The following ZC3H11A variants were observed in gnomAD, a reference collection of about 807,000 sequenced individuals.
The protein encoded by ZC3H11A is zinc finger CCCH-type containing 11A.
ZC3H11A carries 22 observed loss-of-function variants against 90.8 expected under a neutral mutation model. That is an observed-to-expected ratio of 0.24 (90% CI 0.17 to 0.35). The LOEUF (loss-of-function observed/expected upper bound fraction) is 0.35, where lower values mean the gene tolerates loss of function less well. ZC3H11A is among the 10% of genes least tolerant of loss of function. The pLI, the probability that ZC3H11A is intolerant of heterozygous loss-of-function variation, is 1.00. For missense variants in ZC3H11A, 701 were observed against 964.9 expected, an observed-to-expected ratio of 0.73 and a Z score of 3.62; for synonymous variants, 294 against 339.8, an observed-to-expected ratio of 0.87 and a Z score of 1.48.
At chr1:203,827,076 C>G (rs1351578948) in intron 4 of ZC3H11A, among the ~76,000 whole-genome samples, 2 of 152,160 alleles carry the variant, frequency 1.3e-5, no homozygotes, top group East Asian at 3.8e-4. Context: ...ACTCTTGTGT[C>G]TGGCTTCTTT....
intron 11 of ZC3H11A, among the ~76,000 whole-genome samples, chr1:203,839,374 CA>C (rs1458251714): frequency 6.6e-6 from 1 of 152,070 alleles, no homozygotes; most frequent in Non-Finnish European, 1.5e-5. Flanking sequence ...TGAAGGAGAG[CA>C]AAAAGCCAAG....
chr1:203,817,033 T>C lies in ZC3H11A; in HGVS notation c.-38T>C, dbSNP rs373200587. ...CTTGCTTTGAGGAAGCAGTGGCTTG[T>C]TTCAAGAAGCCACTTCTGATCTAAG... On this transcript the variant is annotated 5_prime_UTR_variant, in exon 3 of 18. Coordinates refer to ENST00000367210, the MANE Select transcript of ZC3H11A (RefSeq NM_001376342.1). 500 of 1,558,568 alleles carry C rather than the reference T, an allele frequency of 3.2e-4. No homozygotes were observed. The highest frequency in any genetic ancestry group is 4.2e-4 in the Non-Finnish European group (481 of 1,147,072).
chr1:203,852,577 T>C lies in ZC3H11A; in HGVS notation c.*178T>C. On this transcript the variant is annotated 3_prime_UTR_variant, in exon 18 of 18. Transcript: ENST00000367210. The stretch of plus-strand genomic sequence containing the variant: ...TTCCTTGGGGTCAGATTTTTAAAGT[T>C]ACTTTATAACCATTTTGTCCATTTG... The C allele has an allele frequency of 5.8e-6, 4 of 686,704 alleles. No individual in the cohort carries two copies. Among genetic ancestry groups the C allele is most frequent in the Non-Finnish European group, 7.2e-6 (3 of 419,488 alleles). The allele number at this position is 686,704 out of a possible 1,614,324, so 42.5% of individuals were successfully genotyped here.
intron 4 of ZC3H11A, among the ~76,000 whole-genome samples, chr1:203,819,732 C>T (rs192003739): frequency 4.1e-4 from 61 of 150,018 alleles, no homozygotes; most frequent in Admixed American, 3.5e-3. Flanking sequence ...TGGGGTTTTG[C>T]CATGCTGGTC....
intron 2 of ZC3H11A, among the ~76,000 whole-genome samples, chr1:203,805,244 C>T (rs1024468969): frequency 2.0e-5 from 3 of 150,462 alleles, no homozygotes; most frequent in African/African-American, 7.4e-5. Context: ...AGCAATTCTC[C>T]TGCTTCAGTC....
At chr1:203,799,041 A>C (rs1290892681) in intron 1 of ZC3H11A, 1 of 1,536,032 alleles carries the variant, frequency 6.5e-7, no homozygotes, top group Non-Finnish European at 8.7e-7. Context: ...TTCTTTGGAA[A>C]CTGCGTCTTT....
chr1:203,833,537 C>T (rs1190036385), intron 9 of ZC3H11A, among the ~76,000 whole-genome samples: 6 of 149,252 alleles, frequency 4.0e-5, no homozygotes, highest in Non-Finnish European at 8.9e-5. Flanking sequence ...TTATTATTAT[C>T]AAAATAATAA....
intron 1 of ZC3H11A, chr1:203,798,072 T>C (rs1478933764): frequency 6.5e-7 from 1 of 1,536,140 alleles, no homozygotes; most frequent in South Asian, 1.2e-5. Flanking sequence ...TTCACCTCAT[T>C]GGACCAGGGC....
rs1363459858 is a variant in ZC3H11A, at chr1:203,819,315, A to T, written c.174+626A>T. Among the ~76,000 whole-genome samples, 5 of 143,866 alleles carry T rather than the reference A, an allele frequency of 3.5e-5. No individual in the cohort carries two copies. The South Asian group carries it at 6.6e-4, about 19-fold the overall frequency. 94.4% of individuals were successfully genotyped at this position (143,866 alleles called of 152,430 possible). A position where few individuals can be genotyped will look rare whatever the true frequency, so the allele number is the denominator to read the frequency against. ...CTGCTTACTGCAACCTCCACCTCCC[A>T]GGTTCAAGCGATTCTCCTGCCTCAG... is the stretch of plus-strand genomic sequence containing the variant. On this transcript the variant is annotated intron_variant, in intron 4 of 17. Coordinates refer to ENST00000367210, the MANE Select transcript of ZC3H11A (RefSeq NM_001376342.1).
rs7311 is a variant in ZC3H11A at position 203,853,938 on chromosome 1, G to C, written c.*1539G>C. 102,146 of 152,568 alleles carry C rather than the reference G, an allele frequency of 0.67. 34,327 individuals are homozygous for C. Among genetic ancestry groups the C allele is most frequent in the East Asian group, 0.77 (3,975 of 5,188 alleles). 9.5% of individuals were successfully genotyped at this position (152,568 alleles called of 1,614,324 possible). On this transcript the variant is annotated 3_prime_UTR_variant, in exon 18 of 18. Coordinates refer to ENST00000367210, the MANE Select transcript of ZC3H11A (RefSeq NM_001376342.1). Reference sequence around the variant, plus strand: ...TCTACTTATTTCGTTTTTGGAATCAGCTTACAGATTCCAGGTCCCTTTTGT... The same window carrying C: ...TCTACTTATTTCGTTTTTGGAATCACCTTACAGATTCCAGGTCCCTTTTGT...
chr1:203,809,957 A>G (rs1673781596), intron 2 of ZC3H11A, among the ~76,000 whole-genome samples: 1 of 152,178 alleles, frequency 6.6e-6, no homozygotes, highest in Non-Finnish European at 1.5e-5. Context: ...TCTCTCAAAA[A>G]TAACAAAACT....
chr1:203,797,688 G>A (rs768023198), intron 1 of ZC3H11A: 2 of 1,535,544 alleles, frequency 1.3e-6, no homozygotes, highest in East Asian at 2.4e-5. Context: ...GAATAAAGAG[G>A]CAAAACAGCC....
chr1:203,836,567 G>C (rs1684414628), intron 10 of ZC3H11A, among the ~76,000 whole-genome samples: 1 of 152,160 alleles, frequency 6.6e-6, no homozygotes, highest in Non-Finnish European at 1.5e-5. Context: ...GATCAACATG[G>C]TGAAACTACT....
intron 4 of ZC3H11A, among the ~76,000 whole-genome samples, chr1:203,819,206 A>AT (rs953666625): frequency 1.4e-5 from 2 of 144,292 alleles, no homozygotes; most frequent in South Asian, 2.2e-4. Context: ...CCTCTATGCA[A>AT]TTTTTTTTTC....
intron 10 of ZC3H11A, 103 bp downstream of exon 10, chr1:203,833,956 CT>C: frequency 7.0e-7 from 1 of 1,422,632 alleles, no homozygotes. Context: ...ATTGGTGCCC[CT>C]GTATTGGCTG....
At chr1:203,826,792 C>T (rs1572150420) in intron 4 of ZC3H11A, among the ~76,000 whole-genome samples, 1 of 152,174 alleles carries the variant, frequency 6.6e-6, no homozygotes, top group South Asian at 2.1e-4. Context: ...TTTGGGAGTA[C>T]TTCTCATATC....
chr1:203,828,724 G>A (rs1468941546), intron 5 of ZC3H11A, among the ~76,000 whole-genome samples: 1 of 152,126 alleles, frequency 6.6e-6, no homozygotes, highest in Non-Finnish European at 1.5e-5. Context: ...GGCAAAACTG[G>A]TCCTCTGCCT....
intron 17 of ZC3H11A, among the ~76,000 whole-genome samples, chr1:203,851,593 G>T (rs1370841222): frequency 2.0e-5 from 3 of 152,132 alleles, no homozygotes; most frequent in Admixed American, 1.3e-4. Context: ...TCTTCCCAAA[G>T]TGCTGGGATT....
At position 203,847,512 on chromosome 1, in the gene ZC3H11A, G is replaced by C. The variant is rs1164291998; in HGVS notation, c.1371G>C (p.Glu457Asp). Residue 457 changes from glutamate (E) to aspartate (D), a missense_variant, in exon 13 of 18, where the codon GAG becomes GAC. By Grantham distance (45) the Glu-to-Asp change is conservative (BLOSUM62 2). Coordinates refer to ENST00000367210, the MANE Select transcript of ZC3H11A (RefSeq NM_001376342.1). ...TTGTTGCCAGCAGAGGACAATCAGA[G>C]GAGCCTGCAGGTAAAACAAAGTCTA... ...PPIVASRGQS[E>D]EPAGKTKSMQ... 4.3e-6 allele frequency: 7 copies of C among 1,613,818 alleles called. No homozygotes were observed. The highest frequency in any genetic ancestry group is 1.3e-5 in the African/African-American group (1 of 74,908).
Sources: allele counts gnomAD v4.1 joint callset (sites outside exome capture counted in the v4.1 genomes callset), GRCh38; gene constraint gnomAD v4.1.1; transcripts MANE v1.5; gene names NCBI Gene and HGNC (gene_info 2026-07-23, HGNC 2026-07-21).